The following SLC9A9 variants were observed in gnomAD, a reference collection of about 807,000 sequenced individuals.
SLC9A9 encodes solute carrier family 9 member A9, also known as sodium/hydrogen exchanger 9.
Under a neutral mutation model 77.8 loss-of-function variants are expected in SLC9A9, and 62 were observed. The ratio of observed to expected loss-of-function variants is 0.80; its 90% CI spans 0.65 to 0.98. The LOEUF (loss-of-function observed/expected upper bound fraction) is 0.98, where lower values mean the gene tolerates loss of function less well. Ranked by LOEUF, SLC9A9 falls within the 50% of genes least tolerant of loss-of-function variation. The probability of loss-of-function intolerance (pLI) is 0.00; values close to 1 mark genes in which losing one functional copy is unlikely to be tolerated. For missense variants in SLC9A9, 775 were observed against 774.9 expected, an observed-to-expected ratio of 1.00 and a Z score of 0.00; for synonymous variants, 320 against 283.5, an observed-to-expected ratio of 1.13 and a Z score of -1.29.
At chr3:143,540,704 C>T (rs11922426) in intron 9 of SLC9A9, among the ~76,000 whole-genome samples, 2,260 of 152,192 alleles carry the variant, frequency 0.015, 57 homozygotes, top group African/African-American at 0.052. Context: ...TTAAAAACAA[C>T]GAGTTGTGAT....
chr3:143,531,542 A>C (rs2036510883), intron 9 of SLC9A9, among the ~76,000 whole-genome samples: 1 of 152,228 alleles, frequency 6.6e-6, no homozygotes, highest in African/African-American at 2.4e-5. Context: ...AACCTTTAGG[A>C]AGAAGGCAGT....
At chr3:143,589,690 T>C (rs1435156477) in intron 6 of SLC9A9, among the ~76,000 whole-genome samples, 1 of 152,190 alleles carries the variant, frequency 6.6e-6, no homozygotes, top group Non-Finnish European at 1.5e-5. Context: ...TTTTAAGACA[T>C]GCATGACTGT....
intron 12 of SLC9A9, among the ~76,000 whole-genome samples, chr3:143,448,761 T>C (rs1251492396): frequency 6.8e-6 from 1 of 146,876 alleles, no homozygotes; most frequent in South Asian, 2.1e-4. Context: ...TCATTTATAA[T>C]AGTCTAAGAT....
intron 6 of SLC9A9, among the ~76,000 whole-genome samples, chr3:143,592,441 T>C (rs2037665940): frequency 6.9e-6 from 1 of 144,560 alleles, no homozygotes; most frequent in Non-Finnish European, 1.5e-5. Flanking sequence ...ACCTGTGCCC[T>C]GGACCATGAC....
chr3:143,357,072 C>T lies in SLC9A9; in HGVS notation c.1604+6412G>A, dbSNP rs374366487. Among the ~76,000 whole-genome samples, 9 of 152,246 alleles carry T rather than the reference C, an allele frequency of 5.9e-5. No homozygotes were observed. In the East Asian group the frequency reaches 9.7e-4, roughly 16 times the overall value. On this transcript the variant is annotated intron_variant, in intron 14 of 15. Coordinates refer to ENST00000316549, the MANE Select transcript of SLC9A9 (RefSeq NM_173653.4). Reference sequence around the variant, plus strand: ...ATAATGCCATGTGCATATTTATGTGCGGATGCCATTAGAGAATGTGTTTAG... The same window carrying T: ...ATAATGCCATGTGCATATTTATGTGTGGATGCCATTAGAGAATGTGTTTAG...
intron 12 of SLC9A9, among the ~76,000 whole-genome samples, chr3:143,439,349 G>C (rs185595630): frequency 6.6e-6 from 1 of 152,182 alleles, no homozygotes; most frequent in Non-Finnish European, 1.5e-5. Context: ...CCTCTGAGCC[G>C]GTCTTCTTAG....
intron 12 of SLC9A9, among the ~76,000 whole-genome samples, chr3:143,426,053 G>A (rs568932872): frequency 1.1e-4 from 16 of 151,772 alleles, no homozygotes; most frequent in South Asian, 1.0e-3. Context: ...AATGGTGTCA[G>A]CTCTTTGAAG....
At chr3:143,621,528 A>G (rs2038212704) in intron 6 of SLC9A9, among the ~76,000 whole-genome samples, 1 of 152,172 alleles carries the variant, frequency 6.6e-6, no homozygotes, top group African/African-American at 2.4e-5. Flanking sequence ...CCTCCAGCAA[A>G]CTCCAACAGA....
intron 9 of SLC9A9, among the ~76,000 whole-genome samples, chr3:143,539,987 A>G (rs2036659294): frequency 6.6e-6 from 1 of 152,132 alleles, no homozygotes; most frequent in Admixed American, 6.5e-5. Context: ...AAATATAATA[A>G]AGAAAATTAA....
chr3:143,680,668 C>T (rs888985939), intron 5 of SLC9A9, among the ~76,000 whole-genome samples: 14 of 152,186 alleles, frequency 9.2e-5, no homozygotes, highest in African/African-American at 2.4e-4. Flanking sequence ...CACAAAATTT[C>T]GTTTTTAATT....
intron 9 of SLC9A9, among the ~76,000 whole-genome samples, chr3:143,545,011 C>T (rs1457873395): frequency 2.0e-5 from 3 of 152,104 alleles, no homozygotes; most frequent in Admixed American, 2.0e-4. Flanking sequence ...GTTCTCTATT[C>T]TGTTTTATTG....
At chr3:143,825,685 G>A (rs944752316) in intron 2 of SLC9A9, among the ~76,000 whole-genome samples, 1 of 152,174 alleles carries the variant, frequency 6.6e-6, no homozygotes, top group Non-Finnish European at 1.5e-5. Context: ...TTTACCAAGC[G>A]ATAGTGTCTA....
In SLC9A9 at chr3:143,806,774, C is replaced by T. The variant is rs868311856; in HGVS notation, c.379-9871G>A. 4.0e-5 allele frequency among the ~76,000 whole-genome samples: 6 copies of T among 151,076 alleles called. No individual in the cohort carries two copies. In the South Asian group the frequency reaches 8.4e-4, roughly 21 times the overall value. ...GTGGGGATTGTGAATGGGCACAAAA[C>T]ATAGTTACATAGAATGAATAAGATC... On this transcript the variant is annotated intron_variant, in intron 2 of 15. Transcript: ENST00000316549.
At chr3:143,317,952 C>G (rs201532277) in intron 14 of SLC9A9, among the ~76,000 whole-genome samples, 1 of 152,002 alleles carries the variant, frequency 6.6e-6, no homozygotes, top group Non-Finnish European at 1.5e-5. Flanking sequence ...TGGTCTCGAT[C>G]TCCTGACCTC....
intron 2 of SLC9A9, among the ~76,000 whole-genome samples, chr3:143,831,559 C>A (rs1014179106): frequency 6.6e-6 from 1 of 152,090 alleles, no homozygotes; most frequent in African/African-American, 2.4e-5. Flanking sequence ...TGTTGGTAGC[C>A]AAAAGCCAGT....
chr3:143,477,830 G>A (rs1010329842), intron 11 of SLC9A9, among the ~76,000 whole-genome samples: 17 of 152,156 alleles, frequency 1.1e-4, no homozygotes, highest in African/African-American at 4.1e-4. Flanking sequence ...TGACTCACCT[G>A]TGACAAAGCA....
intron 13 of SLC9A9, among the ~76,000 whole-genome samples, chr3:143,370,566 C>T (rs548635243): frequency 4.1e-3 from 340 of 82,040 alleles, no homozygotes; most frequent in African/African-American, 8.1e-3. Context: ...TGCATGTGCG[C>T]GCACACACAC....
chr3:143,382,307 G>A (rs1400210945), intron 12 of SLC9A9, 193 bp from the exon 13 acceptor site: 1 of 640,356 alleles, frequency 1.6e-6, no homozygotes. Context: ...TGGGCCTCAG[G>A]ATGCTGGAGA....
At chr3:143,393,085 C>A (rs771885495) in intron 12 of SLC9A9, among the ~76,000 whole-genome samples, 7 of 152,136 alleles carry the variant, frequency 4.6e-5, no homozygotes, top group Non-Finnish European at 1.0e-4. Flanking sequence ...CAGCTCTGCA[C>A]CAAGCAGACC....
Sources: allele counts gnomAD v4.1 joint callset (sites outside exome capture counted in the v4.1 genomes callset), GRCh38; gene constraint gnomAD v4.1.1; transcripts MANE v1.5; gene names NCBI Gene and HGNC (gene_info 2026-07-23, HGNC 2026-07-21).